ACACA: variants seen among roughly 807,000 people sequenced by gnomAD.
ACACA encodes the protein acetyl-CoA carboxylase alpha, also known as acetyl-CoA carboxylase 1.
In ACACA, 103 loss-of-function variants were observed where a neutral mutation model predicts 296.1. The ratio of observed to expected loss-of-function variants is 0.35; its 90% CI spans 0.30 to 0.41. The LOEUF (loss-of-function observed/expected upper bound fraction) is 0.41. Ranked by LOEUF, ACACA falls within the 10% of genes least tolerant of loss-of-function variation. The pLI, the probability that ACACA is intolerant of heterozygous loss-of-function variation, is 1.00. For missense variants in ACACA, 1,554 were observed against 2,989.7 expected, an observed-to-expected ratio of 0.52 and a Z score of 11.20; for synonymous variants, 953 against 1,038.6, an observed-to-expected ratio of 0.92 and a Z score of 1.58.
chr17:37,213,087 G>C (rs1194679318), intron 29 of ACACA, among the ~76,000 whole-genome samples: 1 of 151,944 alleles, frequency 6.6e-6, no homozygotes, highest in Non-Finnish European at 1.5e-5. Context: ...GGAGACTGAG[G>C]TGGGTGGATC....
At chr17:37,236,998 G>A (rs149077599) in intron 24 of ACACA, among the ~76,000 whole-genome samples, 23 of 152,108 alleles carry the variant, frequency 1.5e-4, no homozygotes, top group East Asian at 3.9e-4. Context: ...AGACCCCTGC[G>A]TACCCCTCCT....
At chr17:37,105,209 C>G (rs2073607851) in intron 52 of ACACA, among the ~76,000 whole-genome samples, 1 of 152,144 alleles carries the variant, frequency 6.6e-6, no homozygotes, top group African/African-American at 2.4e-5. Flanking sequence ...AAATCTTTTT[C>G]CTTTTCTGAG....
Position 37,188,349 on chromosome 17 carries a change from G to A in ACACA, c.4704C>T (p.Phe1568=). ...PTGKAIPIRL[F]LTNESGYYLD... ...AGTAATAGCCAGACTCGTTTGTCAGGAAGAGGCGGATGGGAATTGCTTTTC... is the reference window on the plus strand; with the variant it reads ...AGTAATAGCCAGACTCGTTTGTCAGAAAGAGGCGGATGGGAATTGCTTTTC... Residue 1568 remains phenylalanine (F), a synonymous_variant, in exon 39 of 56, where the codon TTC becomes TTT. Transcript: ENST00000616317. 1 of 1,614,134 alleles carries A rather than the reference G, an allele frequency of 6.2e-7. No individual in the cohort carries two copies.
intron 1 of ACACA, among the ~76,000 whole-genome samples, chr17:37,378,789 C>T (rs191388186): frequency 4.3e-4 from 63 of 148,198 alleles, no homozygotes; most frequent in African/African-American, 1.5e-3. Flanking sequence ...AGGTCGGGTG[C>T]GGTGGCTCAT....
rs190611194 is a variant in ACACA, at chr17:37,263,533, C to T, written c.1329+152G>A. 1,181 of 696,608 alleles carry T rather than the reference C, an allele frequency of 1.7e-3. 15 individuals carry two copies. In the African/African-American group the frequency reaches 0.019, roughly 11 times the overall value. The allele number at this position is 696,608 out of a possible 1,614,324, so 43.2% of individuals were successfully genotyped here. ...CTTGACAATTCTCTTAGTGGGAGAACAGTAGAATTTTTTTTCTCTAAGAAA... is the reference window on the plus strand; with the variant it reads ...CTTGACAATTCTCTTAGTGGGAGAATAGTAGAATTTTTTTTCTCTAAGAAA... On this transcript the variant is annotated intron_variant, in intron 11 of 55. Coordinates refer to ENST00000616317, the MANE Select transcript of ACACA (RefSeq NM_198834.3).
At chr17:37,200,255 T>C in intron 34 of ACACA, 72 bp from the exon 35 acceptor site, 3 of 1,438,420 alleles carry the variant, frequency 2.1e-6, no homozygotes, top group Non-Finnish European at 2.0e-6. Flanking sequence ...CAAAAAGAAA[T>C]TGAGTAAAAG....
chr17:37,308,293 G>A (rs557563777), intron 3 of ACACA, among the ~76,000 whole-genome samples: 104 of 152,172 alleles, frequency 6.8e-4, no homozygotes, highest in Non-Finnish European at 1.2e-3. Flanking sequence ...CAAGCTTGAG[G>A]AATATAATAA....
At chr17:37,260,296 ATTT>A (rs1165828702) in intron 11 of ACACA, among the ~76,000 whole-genome samples, 272 of 18,798 alleles carry the variant, frequency 0.014, 2 homozygotes, top group Non-Finnish European at 0.019. Context: ...ATATATATAT[ATTT>A]TTTTTTTTTT....
At chr17:37,214,647 G>A (rs564679910) in intron 29 of ACACA, among the ~76,000 whole-genome samples, 1 of 152,232 alleles carries the variant, frequency 6.6e-6, no homozygotes, top group East Asian at 1.9e-4. Flanking sequence ...TACAAGTCTA[G>A]AGTGCCAAAA....
intron 35 of ACACA, among the ~76,000 whole-genome samples, chr17:37,198,187 G>C (rs1283687950): frequency 3.3e-5 from 5 of 152,172 alleles, no homozygotes; most frequent in Non-Finnish European, 4.4e-5. Flanking sequence ...TTACATATAT[G>C]AGAAAATGTC....
At chr17:37,283,472 A>G (rs2082637410) in intron 4 of ACACA, 67 bp from the exon 5 acceptor site, 2 of 1,563,948 alleles carry the variant, frequency 1.3e-6, no homozygotes, top group South Asian at 2.3e-5. Context: ...AGGAAAAGAG[A>G]TGAGAGAATT....
Position 37,318,034 on chromosome 17 carries a change from G to T in ACACA, c.338+12139C>A, listed in dbSNP as rs75712945. ...GAGCACTGAAAGTAGAAAGTTTGGAGAGCTATTAGGGGAAGGGAAGAAGCT... is the reference window on the plus strand; with the variant it reads ...GAGCACTGAAAGTAGAAAGTTTGGATAGCTATTAGGGGAAGGGAAGAAGCT... On this transcript the variant is annotated intron_variant, in intron 3 of 55. Coordinates refer to ENST00000616317, the MANE Select transcript of ACACA (RefSeq NM_198834.3). 5.9e-3 allele frequency among the ~76,000 whole-genome samples: 901 copies of T among 152,258 alleles called. 8 individuals carry two copies. The highest frequency in any genetic ancestry group is 0.031 in the South Asian group (151 of 4,820).
chr17:37,128,024 C>CAAAAAAAAAAAAAAAAA (rs1173864454), intron 47 of ACACA, among the ~76,000 whole-genome samples: 1 of 39,742 alleles, frequency 2.5e-5, no homozygotes, highest in Non-Finnish European at 4.6e-5. Flanking sequence ...AACTCCATCT[C>CAAAAAAAAAAAAAAAAA]AAAAAAAAAA....
At chr17:37,308,130 T>C (rs569577992) in intron 3 of ACACA, among the ~76,000 whole-genome samples, 106 of 152,294 alleles carry the variant, frequency 7.0e-4, no homozygotes, top group Non-Finnish European at 1.2e-3. Flanking sequence ...ACATAGCGTA[T>C]ATGCTCTGAA....
chr17:37,162,089 T>C lies in ACACA; in HGVS notation c.5080-39A>G, dbSNP rs533612422. 1.4e-5 allele frequency: 23 copies of C among 1,612,844 alleles called. No homozygotes were observed. In the East Asian group the frequency reaches 3.3e-4, roughly 23 times the overall value. ...AACAAACAAATGAACAGAAGTTTCT[T>C]ACAGGCAGAATTTTTTTCAGGTTCA... On this transcript the variant is annotated intron_variant, in intron 41 of 55. Transcript: ENST00000616317.
intron 41 of ACACA, among the ~76,000 whole-genome samples, chr17:37,167,038 G>A (rs74757919): frequency 0.12 from 18,844 of 150,946 alleles, 1,806 homozygotes; most frequent in East Asian, 0.45. Context: ...TCCACCTCCC[G>A]AGTTCAAGCA....
At chr17:37,378,767 G>C (rs1333615718) in intron 1 of ACACA, among the ~76,000 whole-genome samples, 1 of 151,174 alleles carries the variant, frequency 6.6e-6, no homozygotes, top group Non-Finnish European at 1.5e-5. Flanking sequence ...GACCACAAGA[G>C]CAAACGCTTC....
intron 1 of ACACA, chr17:37,376,205 A>G (rs1400990144): frequency 6.9e-7 from 1 of 1,451,428 alleles, no homozygotes; most frequent in Non-Finnish European, 9.7e-7. Flanking sequence ...GCCTAGAAAG[A>G]GTTTCGGGGT....
In ACACA at chr17:37,233,573, A is replaced by T. The variant is rs184398915; in HGVS notation, c.3246+1402T>A. 5.9e-5 allele frequency among the ~76,000 whole-genome samples: 9 copies of T among 152,340 alleles called. No homozygotes were observed. In the East Asian group the frequency reaches 1.7e-3, roughly 29 times the overall value. Reference sequence around the variant, plus strand: ...CCATAATTAGCTTCCTATAAAGGCAAATTCCACCCCATTCTAGGTCCAAAC... The same window carrying T: ...CCATAATTAGCTTCCTATAAAGGCATATTCCACCCCATTCTAGGTCCAAAC... On this transcript the variant is annotated intron_variant, in intron 25 of 55. Coordinates refer to ENST00000616317, the MANE Select transcript of ACACA (RefSeq NM_198834.3).
Sources: allele counts gnomAD v4.1 joint callset (sites outside exome capture counted in the v4.1 genomes callset), GRCh38; gene constraint gnomAD v4.1.1; transcripts MANE v1.5; gene names NCBI Gene and HGNC (gene_info 2026-07-23, HGNC 2026-07-21).